The following XRCC6 variants were observed in gnomAD, a reference collection of about 807,000 sequenced individuals.
XRCC6 encodes X-ray repair cross complementing 6.
A neutral mutation model predicts 65.7 loss-of-function variants in XRCC6; 5 were observed. The observed-to-expected ratio is 0.08, with a 90% CI of 0.04 to 0.16. The LOEUF (loss-of-function observed/expected upper bound fraction) is 0.16. XRCC6 is among the 10% of genes least tolerant of loss of function. The pLI is 1.00. For synonymous variants in XRCC6, 270 were observed against 270.6 expected (o/e 1.00, Z 0.02); for missense variants, 447 against 738.1 (o/e 0.61, Z 4.57).
At chr22:41,622,402 T>TA (rs1307994872) in intron 2 of XRCC6, among the ~76,000 whole-genome samples, 1 of 152,142 alleles carries the variant, frequency 6.6e-6, no homozygotes, top group Non-Finnish European at 1.5e-5. Context: ...AAAGTAGTGT[T>TA]ACCATTCCAG....
Position 41,647,026 on chromosome 22 carries a change from A to G in XRCC6, c.904A>G (p.Thr302Ala), listed in dbSNP as rs2067938960. 1.9e-6 allele frequency: 3 copies of G among 1,614,166 alleles called. No individual in the cohort carries two copies. The highest frequency in any genetic ancestry group is 4.5e-5 in the East Asian group (2 of 44,886). Residue 302 changes from threonine (T) to alanine (A), a missense_variant, in exon 7 of 13, where the codon ACC (threonine) becomes GCC (alanine). Thr to Ala is a moderately conservative substitution (Grantham distance 58, BLOSUM62 0). Coordinates refer to ENST00000360079, the MANE Select transcript of XRCC6 (RefSeq NM_001469.5). ...TNEPVKTKTR[T>A]FNTSTGGLLL... ...TGAACCAGTGAAAACCAAGACCCGG[A>G]CCTTTAATACAAGTACAGGCGGTTT...
chr22:41,632,616 A>G (rs992608139), intron 3 of XRCC6, among the ~76,000 whole-genome samples: 3 of 151,876 alleles, frequency 2.0e-5, no homozygotes, highest in African/African-American at 7.3e-5. Flanking sequence ...ATCTCAAGAA[A>G]ACAAGAAATA....
chr22:41,648,796 A>G (rs1270145589), intron 7 of XRCC6, among the ~76,000 whole-genome samples: 2 of 152,134 alleles, frequency 1.3e-5, no homozygotes, highest in Non-Finnish European at 2.9e-5. Context: ...TTTTGGAAGT[A>G]ACTAATTTTT....
chr22:41,663,896 C>T lies in XRCC6; in HGVS notation c.*81C>T. On this transcript the variant is annotated 3_prime_UTR_variant, in exon 13 of 13. Transcript: ENST00000360079. ...GTCCTCAGCCAGTTAAAATGTGTTT[C>T]TCCTGAGCTAGGAAGAGTCTACCCG... The T allele has an allele frequency of 6.8e-7, 1 of 1,471,308 alleles. No individual in the cohort carries two copies. The highest frequency in any genetic ancestry group is 9.2e-7 in the Non-Finnish European group (1 of 1,084,188). 91.1% of individuals were successfully genotyped at this position (1,471,308 alleles called of 1,614,324 possible). A position where few individuals can be genotyped will look rare whatever the true frequency, so the allele number is the denominator to read the frequency against.
chr22:41,658,670 C>G (rs1166960043), intron 11 of XRCC6, among the ~76,000 whole-genome samples: 1 of 152,216 alleles, frequency 6.6e-6, no homozygotes, highest in Non-Finnish European at 1.5e-5. Flanking sequence ...AATCCCAGCA[C>G]TTTGGGAGGC....
chr22:41,661,586 A>C, intron 12 of XRCC6, 142 bp downstream of exon 12: 2 of 691,542 alleles, frequency 2.9e-6, no homozygotes, highest in East Asian at 2.8e-5. Flanking sequence ...GACAATAACA[A>C]ATGCTGGCAA....
chr22:41,630,489 CTTTT>C (rs34290865), intron 3 of XRCC6, among the ~76,000 whole-genome samples: 1 of 141,734 alleles, frequency 7.1e-6, no homozygotes, highest in Admixed American at 7.1e-5. Context: ...ATTAGTGTTT[CTTTT>C]TTTTTTTTTT....
At chr22:41,657,428 A>G (rs1240310012) in intron 10 of XRCC6, among the ~76,000 whole-genome samples, 2 of 151,300 alleles carry the variant, frequency 1.3e-5, no homozygotes, top group Non-Finnish European at 2.9e-5. Flanking sequence ...TAATAGACCA[A>G]CTCTCAGAGC....
rs1415512555 is a variant in XRCC6 at position 41,637,900 on chromosome 22, G to A, written c.773+109G>A. The stretch of plus-strand genomic sequence containing the variant: ...AACAGTTTGGGAGGCCAAGGCAGGC[G>A]GATTGCTTGAGCCTAGGAGTTGAGA... On this transcript the variant is annotated intron_variant, in intron 6 of 12. Coordinates refer to ENST00000360079, the MANE Select transcript of XRCC6 (RefSeq NM_001469.5). 16 of 1,273,374 alleles carry A rather than the reference G, an allele frequency of 1.3e-5. No homozygotes were observed. The Admixed American group carries it at 2.0e-4, about 16-fold the overall frequency. 78.9% of individuals were successfully genotyped at this position (1,273,374 alleles called of 1,614,324 possible).
chr22:41,629,957 C>T (rs1302100632), intron 3 of XRCC6, among the ~76,000 whole-genome samples: 14 of 147,324 alleles, frequency 9.5e-5, no homozygotes, highest in East Asian at 2.0e-4. Flanking sequence ...TGAGCCACTG[C>T]GCCCAGCCTT....
intron 3 of XRCC6, among the ~76,000 whole-genome samples, chr22:41,634,974 C>T (rs999786982): frequency 3.9e-5 from 6 of 152,116 alleles, no homozygotes; most frequent in Admixed American, 6.6e-5. Context: ...TTCAAGGATG[C>T]GCTTACTGGT....
intron 11 of XRCC6, among the ~76,000 whole-genome samples, chr22:41,658,606 C>A (rs1481402582): frequency 6.6e-6 from 1 of 152,170 alleles, no homozygotes; most frequent in Non-Finnish European, 1.5e-5. Context: ...TGACTACATG[C>A]TGGTGAAATT....
intron 3 of XRCC6, among the ~76,000 whole-genome samples, chr22:41,632,826 GAA>G (rs774575798): frequency 2.3e-5 from 3 of 130,030 alleles, no homozygotes; most frequent in African/African-American, 2.8e-5. Context: ...CTGTCTCTTG[GAA>G]AAAAAAAAAA....
At chr22:41,633,769 G>A (rs1040542774) in intron 3 of XRCC6, among the ~76,000 whole-genome samples, 1 of 152,152 alleles carries the variant, frequency 6.6e-6, no homozygotes, top group African/African-American at 2.4e-5. Flanking sequence ...TAATTTCAGA[G>A]AGTTAATGGA....
At chr22:41,637,849 G>A (rs1358992224) in intron 6 of XRCC6, 58 bp downstream of exon 6, 3 of 1,547,470 alleles carry the variant, frequency 1.9e-6, no homozygotes, top group South Asian at 2.5e-5. Flanking sequence ...AGCAGGCTGG[G>A]CGCGGTGGCT....
Position 41,636,175 on chromosome 22 carries a change from G to A in XRCC6, c.258G>A (p.Val86=). 1 of 1,608,734 alleles carries A rather than the reference G, an allele frequency of 6.2e-7. No homozygotes were observed. The highest frequency in any genetic ancestry group is 2.0e-4 in the Middle Eastern group (1 of 5,010). ...ISSDRDLLAV[V]FYGTEKDKNS... is the part of the protein sequence containing the mutation. ...GTGATCGAGATCTCTTGGCTGTGGT[G>A]TTCTATGGTACCGAGAAAGACAAAA... is the stretch of plus-strand genomic sequence containing the variant. The change falls in exon 4 of 13, where the codon GTG becomes GTA. Residue 86 remains valine, a synonymous_variant. Coordinates refer to ENST00000360079, the MANE Select transcript of XRCC6 (RefSeq NM_001469.5).
intron 2 of XRCC6, among the ~76,000 whole-genome samples, chr22:41,623,919 C>T (rs1304311391): frequency 6.6e-6 from 1 of 151,966 alleles, no homozygotes; most frequent in African/African-American, 2.4e-5. Flanking sequence ...GGCAGTGTTT[C>T]ACCATGTTGG....
rs2147099865 is a variant in XRCC6, at chr22:41,647,149, A to C, written c.960+67A>C. ...GGTCTCATTGTGTCGCCCAGGCTGG[A>C]GTGCAGTGGGGCGAACATGACTCGC... On this transcript the variant is annotated intron_variant, in intron 7 of 12. Coordinates refer to ENST00000360079, the MANE Select transcript of XRCC6 (RefSeq NM_001469.5). The C allele has an allele frequency of 2.6e-6, 4 of 1,553,736 alleles. No homozygotes were observed. In the East Asian group the frequency reaches 9.0e-5, roughly 35 times the overall value.
At chr22:41,660,948 C>T (rs1326951482) in intron 11 of XRCC6, among the ~76,000 whole-genome samples, 3 of 151,876 alleles carry the variant, frequency 2.0e-5, no homozygotes, top group South Asian at 2.1e-4. Flanking sequence ...GCAGGAGAAT[C>T]GCTTGAACCA....
Sources: allele counts gnomAD v4.1 joint callset (sites outside exome capture counted in the v4.1 genomes callset), GRCh38; gene constraint gnomAD v4.1.1; transcripts MANE v1.5; gene names NCBI Gene and HGNC (gene_info 2026-07-23, HGNC 2026-07-21).